The following PDE1C variants were observed in gnomAD, a reference collection of about 807,000 sequenced individuals.
The protein encoded by PDE1C is phosphodiesterase 1C, also known as dual specificity calcium/calmodulin-dependent 3',5'-cyclic nucleotide phosphodiesterase 1C.
PDE1C carries 62 observed loss-of-function variants against 93.1 expected under a neutral mutation model. The observed-to-expected ratio is 0.67, with a 90% CI of 0.54 to 0.82. The LOEUF is 0.82. PDE1C is among the 40% of genes least tolerant of loss of function. The pLI is 0.00. For synonymous variants in PDE1C, 325 were observed against 310.1 expected, an observed-to-expected ratio of 1.05 and a Z score of -0.50; for missense variants, 742 against 884.6, an observed-to-expected ratio of 0.84 and a Z score of 2.04.
the PDE1C span, among the ~76,000 whole-genome samples, chr7:31,618,014 G>A: frequency 8.5e-5 from 13 of 152,162 alleles, no homozygotes; most frequent in South Asian, 2.1e-4. Context: ...CTGTCAGAGC[G>A]TTTCCAGTAG....
chr7:32,349,160 G>T (rs1368352863), intron 1 of PDE1C, among the ~76,000 whole-genome samples: 1 of 152,228 alleles, frequency 6.6e-6, no homozygotes, highest in African/African-American at 2.4e-5. Flanking sequence ...CCTCTTGGGA[G>T]TTTCTCAGGA....
intron 1 of PDE1C, among the ~76,000 whole-genome samples, chr7:32,278,444 G>A (rs1585068247): frequency 1.3e-5 from 2 of 152,282 alleles, no homozygotes; most frequent in East Asian, 3.9e-4. Flanking sequence ...CTCACCTAAA[G>A]ACAAACTGCA....
intron 3 of PDE1C, among the ~76,000 whole-genome samples, chr7:32,139,300 C>CTTTTTTTTTTTTTT (rs34277412): frequency 1.2e-5 from 1 of 82,922 alleles, no homozygotes; most frequent in Non-Finnish European, 2.2e-5. Flanking sequence ...CAAAATCAAC[C>CTTTTTTTTTTTTTT]TTTTTTTTTT....
chr7:31,934,561 C>CAA (rs70989623), intron 2 of PDE1C, among the ~76,000 whole-genome samples: 47,347 of 145,256 alleles, frequency 0.33, 9,365 homozygotes, highest in Non-Finnish European at 0.46. Flanking sequence ...ACCACCAATA[C>CAA]AAAAAAAAAA....
At chr7:31,781,289 G>A (rs1295111926) in intron 16 of PDE1C, among the ~76,000 whole-genome samples, 1 of 152,154 alleles carries the variant, frequency 6.6e-6, no homozygotes, top group African/African-American at 2.4e-5. Context: ...GGTGATTTAA[G>A]AGCTCTTGAG....
the PDE1C span, among the ~76,000 whole-genome samples, chr7:31,662,037 A>T: frequency 6.6e-6 from 1 of 152,112 alleles, no homozygotes; most frequent in Non-Finnish European, 1.5e-5. Flanking sequence ...AACCAGCTCT[A>T]TGTGACCTAT....
chr7:32,226,174 C>T (rs1807253731), intron 1 of PDE1C, among the ~76,000 whole-genome samples: 1 of 152,134 alleles, frequency 6.6e-6, no homozygotes, highest in Non-Finnish European at 1.5e-5. Flanking sequence ...TTTACAGTCC[C>T]AGGGCCTGGT....
chr7:31,920,284 G>C (rs1802434987), intron 2 of PDE1C, among the ~76,000 whole-genome samples: 1 of 152,116 alleles, frequency 6.6e-6, no homozygotes, highest in Non-Finnish European at 1.5e-5. Flanking sequence ...TCTCCAGGAT[G>C]CTCCCCAAAA....
intron 2 of PDE1C, among the ~76,000 whole-genome samples, chr7:31,997,340 T>C (rs1347340886): frequency 6.6e-6 from 1 of 152,200 alleles, no homozygotes; most frequent in African/African-American, 2.4e-5. Flanking sequence ...AGTATCTGGC[T>C]AGTAGATGCT....
chr7:32,420,278 T>C (rs1447535531), intron 1 of PDE1C, among the ~76,000 whole-genome samples: 5 of 34,224 alleles, frequency 1.5e-4, no homozygotes, highest in Admixed American at 1.0e-3. Flanking sequence ...TGTGTATATA[T>C]ATACATGTGT....
At chr7:31,684,241 A>T in the PDE1C span, among the ~76,000 whole-genome samples, 1 of 152,204 alleles carries the variant, frequency 6.6e-6, no homozygotes, top group East Asian at 1.9e-4. Context: ...TTCAAAGGGG[A>T]AATCAGGGAT....
intron 1 of PDE1C, among the ~76,000 whole-genome samples, chr7:32,311,062 A>T (rs1191614818): frequency 1.3e-5 from 2 of 152,202 alleles, no homozygotes; most frequent in Admixed American, 1.3e-4. Flanking sequence ...AAAAAATGAT[A>T]AAGAAGATAT....
intron 3 of PDE1C, among the ~76,000 whole-genome samples, chr7:32,132,708 T>A (rs1240883583): frequency 2.6e-5 from 4 of 152,022 alleles, no homozygotes; most frequent in Non-Finnish European, 5.9e-5. Flanking sequence ...ATCAGTTAAG[T>A]TGCTACCCAG....
chr7:32,298,562 C>A, intron 1 of PDE1C: 3 of 1,468,160 alleles, frequency 2.0e-6, no homozygotes, highest in South Asian at 1.2e-5. Context: ...CCCCTGAGCT[C>A]CCCCTGCCCG....
chr7:31,619,205 A>G, the PDE1C span, among the ~76,000 whole-genome samples: 1 of 152,006 alleles, frequency 6.6e-6, no homozygotes, highest in African/African-American at 2.4e-5. Context: ...TTCTATGTCT[A>G]TTTTCAGGTG....
At chr7:32,259,632 A>G (rs1810053663) in intron 1 of PDE1C, among the ~76,000 whole-genome samples, 1 of 152,168 alleles carries the variant, frequency 6.6e-6, no homozygotes, top group Non-Finnish European at 1.5e-5. Flanking sequence ...TTAAGGAGTG[A>G]AACAAAACAA....
intron 1 of PDE1C, among the ~76,000 whole-genome samples, chr7:32,279,007 T>C (rs1410628270): frequency 3.9e-5 from 6 of 152,208 alleles, no homozygotes; most frequent in African/African-American, 1.4e-4. Context: ...CTAAAAATCA[T>C]TGAATTGTAT....
chr7:32,087,679 G>T (rs200801175), intron 3 of PDE1C, among the ~76,000 whole-genome samples: 46 of 150,244 alleles, frequency 3.1e-4, no homozygotes, highest in African/African-American at 8.6e-4. Flanking sequence ...CCATAAAAAA[G>T]GATGAGTTCA....
intron 6 of PDE1C, among the ~76,000 whole-genome samples, chr7:31,869,336 A>G (rs958654830): frequency 2.0e-5 from 3 of 152,242 alleles, no homozygotes; most frequent in Middle Eastern, 3.4e-3. Flanking sequence ...AAATGGATTA[A>G]AAATAAATCC....
Sources: gnomAD v4.1 joint callset for allele counts (sites outside exome capture counted in the v4.1 genomes callset) on GRCh38, gnomAD v4.1.1 for gene constraint, MANE v1.5 for transcripts, NCBI Gene and HGNC (gene_info 2026-07-23, HGNC 2026-07-21) for gene names.